Variants in FAAP100 observed in about 807,000 individuals in gnomAD.
The protein encoded by FAAP100 is FA core complex associated protein 100, also known as Fanconi anemia core complex-associated protein 100.
In FAAP100, 46 loss-of-function variants were observed where a neutral mutation model predicts 65.8. That is an observed-to-expected ratio of 0.70 (90% CI 0.55 to 0.89). The LOEUF is 0.89. Ranked by LOEUF, FAAP100 falls within the 40% of genes least tolerant of loss-of-function variation. FAAP100 has a pLI of 0.00. For missense variants in FAAP100, 1,165 were observed against 1,196.7 expected, an observed-to-expected ratio of 0.97 and a Z score of 0.39; for synonymous variants, 663 against 555.1, an observed-to-expected ratio of 1.19 and a Z score of -2.73.
chr17:81,546,845 T>A, intron 5 of FAAP100, 64 bp downstream of exon 5: 1 of 1,335,820 alleles, frequency 7.5e-7, no homozygotes, highest in Non-Finnish European at 9.7e-7. Context: ...CAGAGCAAGT[T>A]CCTGTCTCTT....
At chr17:81,548,166 G>T (rs538726684) in intron 4 of FAAP100, 1 of 595,992 alleles carries the variant, frequency 1.7e-6, no homozygotes, top group Non-Finnish European at 3.0e-6. Context: ...CAGGCCCCTC[G>T]CTCTCGGGAC....
Position 81,545,823 on chromosome 17 carries a change from C to T in FAAP100, c.2233G>A (p.Val745Ile), listed in dbSNP as rs774256081. The change falls in exon 6 of 9, where the codon GTC (valine) becomes ATC (isoleucine). Residue 745 changes from valine (V) to isoleucine (I), a missense_variant. By Grantham distance (29) the Val-to-Ile change is conservative. Coordinates refer to ENST00000327787, the MANE Select transcript of FAAP100 (RefSeq NM_025161.6). ...GAAGATAGTGCTCGGGCCCTCACGA[C>T]GTCCACAGCAGCATTCTCAGCAAGG... ...WLLAENAAVD[V>I]VRARALSSIQ... is the part of the protein sequence containing the mutation. 24 of 1,611,682 alleles carry T rather than the reference C, an allele frequency of 1.5e-5. No individual in the cohort carries two copies. The highest frequency in any genetic ancestry group is 7.7e-5 in the South Asian group (7 of 91,078).
Position 81,544,035 on chromosome 17 carries a change from C to T in FAAP100, c.2396G>A (p.Arg799Lys), listed in dbSNP as rs2033209328. ...VESSSLADIC[R>K]AHHAVVGRMQ... ...GCGCCCGACAACGGCATGGTGCGCCCTGCAAATGTCGGCCAGAGAGGAGCT... is the reference window on the plus strand; with the variant it reads ...GCGCCCGACAACGGCATGGTGCGCCTTGCAAATGTCGGCCAGAGAGGAGCT... The change falls in exon 7 of 9, where the codon AGG (arginine) becomes AAG (lysine). Residue 799 changes from arginine to lysine, a missense_variant. Coordinates refer to ENST00000327787, the MANE Select transcript of FAAP100 (RefSeq NM_025161.6). 6.2e-7 allele frequency: 1 copy of T among 1,612,546 alleles called. No individual in the cohort carries two copies. The highest frequency in any genetic ancestry group is 8.5e-7 in the Non-Finnish European group (1 of 1,179,832).
At chr17:81,544,830 T>G (rs1009401356) in intron 6 of FAAP100, among the ~76,000 whole-genome samples, 2 of 152,108 alleles carry the variant, frequency 1.3e-5, no homozygotes, top group South Asian at 4.1e-4. Context: ...GAAAGGGCTG[T>G]GTAGAGGGCA....
intron 6 of FAAP100, among the ~76,000 whole-genome samples, chr17:81,544,623 G>A (rs897613114): frequency 7.2e-5 from 11 of 152,238 alleles, no homozygotes; most frequent in Non-Finnish European, 1.5e-4. Context: ...TAGGAAGGTT[G>A]GACTGAGCTG....
chr17:81,540,760 T>TG lies in FAAP100; in HGVS notation c.*58dup, dbSNP rs968344742. ...CGGTTTCCCTCTAACCCATGAGGCC[T>TG]GGGGGGGCTGTGACAGAGGCTGGAA... is the stretch of plus-strand genomic sequence containing the variant. On this transcript the variant is annotated 3_prime_UTR_variant, in exon 9 of 9. Transcript: ENST00000327787. 118 of 1,453,180 alleles carry TG rather than the reference T, an allele frequency of 8.1e-5. No homozygotes were observed. The highest frequency in any genetic ancestry group is 4.3e-4 in the South Asian group (31 of 72,292). The allele number at this position is 1,453,180 out of a possible 1,614,324, so 90.0% of individuals were successfully genotyped here.
At position 81,547,248 on chromosome 17, in the gene FAAP100, C is replaced by T. The variant is rs569931342; in HGVS notation, c.1834G>A (p.Gly612Arg). 2.9e-5 allele frequency: 46 copies of T among 1,592,368 alleles called. 1 individual carries two copies. Among genetic ancestry groups the T allele is most frequent in the Admixed American group, 6.8e-5 (4 of 59,182 alleles). ...LFYSLREVVG[G>R]ALAPSDSEDP... ...TCAGAGTCTGAGGGGGCAAGGGCCC[C>T]GCCCACCACCTCCCTGAGACTGTAG... is the stretch of plus-strand genomic sequence containing the variant. The change falls in exon 5 of 9, where the codon GGG (glycine) becomes AGG (arginine). Residue 612 changes from glycine to arginine, a missense_variant. Gly to Arg is a moderately radical substitution (Grantham distance 125). Transcript: ENST00000327787.
At chr17:81,546,519 T>C (rs2033307943) in intron 5 of FAAP100, 1 of 182,366 alleles carries the variant, frequency 5.5e-6, no homozygotes, top group African/African-American at 2.3e-5. Context: ...TACGCTTCCA[T>C]ATATAGGTTT....
At chr17:81,544,690 C>T (rs771000277) in intron 6 of FAAP100, among the ~76,000 whole-genome samples, 48 of 152,214 alleles carry the variant, frequency 3.2e-4, no homozygotes, top group Admixed American at 5.9e-4. Context: ...GCTTATTCTG[C>T]ACACACAGCA....
At chr17:81,551,795 C>T in intron 2 of FAAP100, 133 bp downstream of exon 2, 1 of 1,381,040 alleles carries the variant, frequency 7.2e-7, no homozygotes, top group Non-Finnish European at 9.3e-7. Context: ...GATAATCGGG[C>T]AGGGATGGCG....
chr17:81,548,411 A>G (rs2033386217), intron 4 of FAAP100: 1 of 205,712 alleles, frequency 4.9e-6, no homozygotes, highest in Non-Finnish European at 1.0e-5. Flanking sequence ...GTCACCAAAC[A>G]GTGGGACGCA....
At chr17:81,543,746 T>C (rs2033198606) in intron 7 of FAAP100, among the ~76,000 whole-genome samples, 1 of 152,146 alleles carries the variant, frequency 6.6e-6, no homozygotes, top group Non-Finnish European at 1.5e-5. Context: ...CGGGCAGTCC[T>C]TGGACTCACA....
intron 8 of FAAP100, 31 bp from the exon 9 acceptor site, chr17:81,540,981 C>T: frequency 6.5e-7 from 1 of 1,541,886 alleles, no homozygotes; most frequent in Non-Finnish European, 8.7e-7. Context: ...GCTCAGGCCC[C>T]CCACCTGGCC....
chr17:81,541,165 G>C, intron 8 of FAAP100, 144 bp downstream of exon 8: 2 of 1,108,468 alleles, frequency 1.8e-6, no homozygotes, highest in Non-Finnish European at 2.6e-6. Flanking sequence ...AGCCATGGCC[G>C]CTCGGACTTT....
Position 81,540,528 on chromosome 17 carries a change from A to G in FAAP100, c.*291T>C. On this transcript the variant is annotated 3_prime_UTR_variant, in exon 9 of 9. Coordinates refer to ENST00000327787, the MANE Select transcript of FAAP100 (RefSeq NM_025161.6). ...GTGGGAAGGCTGCCCAGCAGTGAGG[A>G]AGGCGAGTGCAGGGGCTGCGGCCGC... is the stretch of plus-strand genomic sequence containing the variant. 1 of 422,828 alleles carries G rather than the reference A, an allele frequency of 2.4e-6. No homozygotes were observed. Among genetic ancestry groups the G allele is most frequent in the Non-Finnish European group, 4.2e-6 (1 of 239,934 alleles). The allele number at this position is 422,828 out of a possible 1,614,324, so 26.2% of individuals were successfully genotyped here. A position where few individuals can be genotyped will look rare whatever the true frequency, so the allele number is the denominator to read the frequency against.
At position 81,539,977 on chromosome 17, in the gene FAAP100, G is replaced by A; in HGVS notation, c.*842C>T. The A allele has an allele frequency of 2.5e-6, 1 of 398,886 alleles. No individual in the cohort carries two copies. The highest frequency in any genetic ancestry group is 4.4e-6 in the Non-Finnish European group (1 of 226,150). 24.7% of individuals were successfully genotyped at this position (398,886 alleles called of 1,614,324 possible). On this transcript the variant is annotated 3_prime_UTR_variant, in exon 9 of 9. Coordinates refer to ENST00000327787, the MANE Select transcript of FAAP100 (RefSeq NM_025161.6). ...TCATCGCGGACAGTGCCTGCAGCGG[G>A]AGCGGCGCGAGCACCCTCCCCAGAT...
In FAAP100 at chr17:81,546,954, C is replaced by T; in HGVS notation, c.2128G>A (p.Val710Met). 1 of 1,465,450 alleles carries T rather than the reference C, an allele frequency of 6.8e-7. No individual in the cohort carries two copies. The highest frequency in any genetic ancestry group is 9.0e-7 in the Non-Finnish European group (1 of 1,105,586). The allele number at this position is 1,465,450 out of a possible 1,614,324, so 90.8% of individuals were successfully genotyped here. A position where few individuals can be genotyped will look rare whatever the true frequency, so the allele number is the denominator to read the frequency against. The part of the protein sequence containing the change: ...YLPPSVASIK[V>M]SAELLRAALK... ...GCAGCTCTGAGCAGCTCCGCCGACA[C>T]CTTGATGGAAGCCACAGATGGGGGC... Residue 710 changes from valine to methionine, a missense_variant, in exon 5 of 9, where the codon GTG (valine) becomes ATG (methionine). Physicochemically the swap from Val to Met is conservative, Grantham distance 21. Transcript: ENST00000327787.
At position 81,550,742 on chromosome 17, in the gene FAAP100, C is replaced by A; in HGVS notation, c.752G>T (p.Cys251Phe). Residue 251 changes from cysteine to phenylalanine, a missense_variant, in exon 3 of 9, where the codon TGC becomes TTC. Physicochemically the swap from Cys to Phe is radical, Grantham distance 205. Transcript: ENST00000327787. ...GACCAGGGCCTTCAGGATCACACAGCAGAGCTGGCCATCAGGGAGACCACA... is the reference window on the plus strand; with the variant it reads ...GACCAGGGCCTTCAGGATCACACAGAAGAGCTGGCCATCAGGGAGACCACA... ...VLCGLPDGQL[C>F]CVILKALVTS... 6.2e-7 allele frequency: 1 copy of A among 1,612,438 alleles called. No individual in the cohort carries two copies. The highest frequency in any genetic ancestry group is 8.5e-7 in the Non-Finnish European group (1 of 1,179,666).
intron 4 of FAAP100, chr17:81,548,232 C>T: frequency 1.8e-6 from 1 of 556,912 alleles, no homozygotes; most frequent in Non-Finnish European, 3.2e-6. Flanking sequence ...TGTGTTCTCT[C>T]TGAACGTCCC....
Sources: allele counts gnomAD v4.1 joint callset (sites outside exome capture counted in the v4.1 genomes callset), GRCh38; gene constraint gnomAD v4.1.1; transcripts MANE v1.5; gene names NCBI Gene and HGNC (gene_info 2026-07-23, HGNC 2026-07-21).